CAGE1: variants seen among roughly 807,000 people sequenced by gnomAD.
CAGE1 encodes cancer-associated gene 1 protein.
In CAGE1, 66 loss-of-function variants were observed where a neutral mutation model predicts 94.9. The ratio of observed to expected loss-of-function variants is 0.70; its 90% CI spans 0.57 to 0.85. CAGE1 has a LOEUF of 0.85. Ranked by LOEUF, CAGE1 falls within the 40% of genes least tolerant of loss-of-function variation. The probability of loss-of-function intolerance (pLI) is 0.00; values close to 1 mark genes in which losing one functional copy is unlikely to be tolerated. For synonymous variants in CAGE1, 319 were observed against 321.0 expected, an observed-to-expected ratio of 0.99 and a Z score of 0.07; for missense variants, 865 against 950.4, an observed-to-expected ratio of 0.91 and a Z score of 1.18.
At chr6:7,376,194 C>T (rs1311218367) in intron 4 of CAGE1, among the ~76,000 whole-genome samples, 2 of 151,606 alleles carry the variant, frequency 1.3e-5, no homozygotes, top group African/African-American at 2.4e-5. Context: ...TTGAGACCAT[C>T]CTGGCTAACA....
In CAGE1 at chr6:7,358,049, T is replaced by G. The variant is rs1339714057; in HGVS notation, c.2194-1920A>C. Among the ~76,000 whole-genome samples, 4 of 120,240 alleles carry G rather than the reference T, an allele frequency of 3.3e-5. 1 individual carries two copies. The highest frequency in any genetic ancestry group is 1.7e-4 in the Admixed American group (2 of 11,992). The allele number at this position is 120,240 out of a possible 152,430, so 78.9% of individuals were successfully genotyped here. A position where few individuals can be genotyped will look rare whatever the true frequency, so the allele number is the denominator to read the frequency against. On this transcript the variant is annotated intron_variant, in intron 9 of 13. Transcript: ENST00000502583. ...TGAGATATATATATATATATATATATATATATATATATATATATATATGCC... is the reference window on the plus strand; with the variant it reads ...TGAGATATATATATATATATATATAGATATATATATATATATATATATGCC...
At chr6:7,348,596 G>T (rs1165342281) in intron 11 of CAGE1, among the ~76,000 whole-genome samples, 2 of 148,678 alleles carry the variant, frequency 1.3e-5, no homozygotes, top group Admixed American at 1.3e-4. Flanking sequence ...AAGAATTCAG[G>T]AGGTTAGTTA....
chr6:7,365,479 G>A lies in CAGE1; in HGVS notation c.2182C>T (p.Leu728Phe). 1 of 1,612,520 alleles carries A rather than the reference G, an allele frequency of 6.2e-7. No homozygotes were observed. The highest frequency in any genetic ancestry group is 8.5e-7 in the Non-Finnish European group (1 of 1,179,232). ...LDKYHSLNEE[L>F]DFLITKLGHL... Reference sequence around the variant, plus strand: ...AAGGTCTTTCTTACCAAGAAATCAAGCTCCTCATTTAGACTGTGGTACTTA... The same window carrying A: ...AAGGTCTTTCTTACCAAGAAATCAAACTCCTCATTTAGACTGTGGTACTTA... The change falls in exon 9 of 14, where the codon CTT becomes TTT. Residue 728 changes from leucine (L) to phenylalanine (F), a missense_variant. By Grantham distance (22) the Leu-to-Phe change is conservative. Transcript: ENST00000502583.
chr6:7,376,440 A>G (rs1312451198), intron 4 of CAGE1, among the ~76,000 whole-genome samples: 1 of 151,614 alleles, frequency 6.6e-6, no homozygotes, highest in Non-Finnish European at 1.5e-5. Context: ...AAATAAAATA[A>G]AAGTTAGTTT....
intron 9 of CAGE1, among the ~76,000 whole-genome samples, chr6:7,358,057 T>C (rs1259791601): frequency 7.8e-6 from 1 of 128,796 alleles, no homozygotes; most frequent in African/African-American, 2.8e-5. Flanking sequence ...TATATATATA[T>C]ATATATATAT....
chr6:7,363,717 G>A (rs965043779), intron 9 of CAGE1, among the ~76,000 whole-genome samples: 4 of 152,164 alleles, frequency 2.6e-5, no homozygotes, highest in African/African-American at 9.7e-5. Context: ...ATGTCAAGGG[G>A]CAGGGGTCTG....
At chr6:7,335,501 T>A (rs9392146) in intron 11 of CAGE1, among the ~76,000 whole-genome samples, 11,835 of 152,300 alleles carry the variant, frequency 0.078, 951 homozygotes, top group African/African-American at 0.2. Context: ...CTAAAAGAAG[T>A]TGCTACTTAG....
intron 6 of CAGE1, among the ~76,000 whole-genome samples, chr6:7,369,228 G>A (rs1403900170): frequency 2.6e-5 from 4 of 151,824 alleles, no homozygotes; most frequent in East Asian, 1.9e-4. Context: ...GGCTGGTCTC[G>A]AACTCCTGAC....
intron 9 of CAGE1, 34 bp from the exon 10 acceptor site, chr6:7,356,163 G>A: frequency 1.7e-6 from 2 of 1,160,252 alleles, no homozygotes. Flanking sequence ...TACTAATCTG[G>A]AACCTGCCAG....
intron 12 of CAGE1, among the ~76,000 whole-genome samples, chr6:7,333,625 A>T (rs116699179): frequency 0.038 from 3,347 of 88,700 alleles, 54 homozygotes; most frequent in African/African-American, 0.05. Context: ...GTATTATCTA[A>T]CTATCTATCT....
rs1760837858 is a variant in CAGE1, at chr6:7,378,734, G to A, written c.570C>T (p.Ser190=). Residue 190 remains serine, a synonymous_variant, in exon 4 of 14, where the codon AGC becomes AGT. Transcript: ENST00000502583. The part of the protein sequence containing the change: ...NEYFRQPPPR[S]PPLIHCSGEM... ...CTCCACTGCAGTGGATTAGAGGCGG[G>A]CTTCTAGGAGGAGGCTGTCTAAAAT... is the stretch of plus-strand genomic sequence containing the variant. The A allele has an allele frequency of 1.2e-6, 2 of 1,613,972 alleles. No individual in the cohort carries two copies. Among genetic ancestry groups the A allele is most frequent in the South Asian group, 2.2e-5 (2 of 91,080 alleles).
At chr6:7,343,198 A>AAAAAGAAAGAAAAG (rs1554136908) in intron 11 of CAGE1, among the ~76,000 whole-genome samples, 1 of 137,320 alleles carries the variant, frequency 7.3e-6, no homozygotes, top group Admixed American at 7.8e-5. Flanking sequence ...CACAAAAAAA[A>AAAAAGAAAGAAAAG]AAAAGAAAAG....
At chr6:7,379,885 T>C (rs969566125) in intron 3 of CAGE1, among the ~76,000 whole-genome samples, 20 of 152,240 alleles carry the variant, frequency 1.3e-4, no homozygotes, top group Non-Finnish European at 2.4e-4. Context: ...TTCCATTTAG[T>C]AAATAATTAA....
At chr6:7,349,622 C>A (rs1561854637) in intron 11 of CAGE1, among the ~76,000 whole-genome samples, 1 of 152,048 alleles carries the variant, frequency 6.6e-6, no homozygotes, top group Non-Finnish European at 1.5e-5. Context: ...TTAAAAGATA[C>A]AGAACTGCAG....
intron 10 of CAGE1, 83 bp downstream of exon 10, chr6:7,355,942 T>C: frequency 2.7e-6 from 2 of 731,340 alleles, no homozygotes; most frequent in South Asian, 3.3e-5. Flanking sequence ...GGATTGAGGC[T>C]GTAGTTAGCA....
At chr6:7,363,738 C>T (rs1177682095) in intron 9 of CAGE1, among the ~76,000 whole-genome samples, 5 of 152,060 alleles carry the variant, frequency 3.3e-5, no homozygotes, top group Admixed American at 1.3e-4. Context: ...CCTGTCTCAC[C>T]GTTAGTGGGG....
chr6:7,372,139 T>G (rs1760556539), intron 5 of CAGE1, among the ~76,000 whole-genome samples: 1 of 152,174 alleles, frequency 6.6e-6, no homozygotes, highest in African/African-American at 2.4e-5. Flanking sequence ...TTTGTTTTGT[T>G]GAATAGGATT....
chr6:7,340,307 T>C (rs1759115814), intron 11 of CAGE1, among the ~76,000 whole-genome samples: 1 of 152,250 alleles, frequency 6.6e-6, no homozygotes, highest in African/African-American at 2.4e-5. Flanking sequence ...TTGTAGATTC[T>C]GTATATTAGC....
intron 11 of CAGE1, among the ~76,000 whole-genome samples, chr6:7,349,749 A>G (rs916971419): frequency 2.0e-5 from 3 of 152,092 alleles, no homozygotes; most frequent in African/African-American, 4.8e-5. Flanking sequence ...CCTGGCCAAC[A>G]TGGTGAAACC....
Sources: gnomAD v4.1 joint callset for allele counts (sites outside exome capture counted in the v4.1 genomes callset) on GRCh38, gnomAD v4.1.1 for gene constraint, MANE v1.5 for transcripts, NCBI Gene and HGNC (gene_info 2026-07-23, HGNC 2026-07-21) for gene names.